Variants in MAP2K1 observed in about 807,000 individuals in gnomAD.
MAP2K1 encodes the protein mitogen-activated protein kinase kinase 1.
A neutral mutation model predicts 46.3 loss-of-function variants in MAP2K1; 16 were observed. The observed-to-expected ratio is 0.35, with a 90% CI of 0.23 to 0.52. The LOEUF (loss-of-function observed/expected upper bound fraction) is 0.52, where lower values mean the gene tolerates loss of function less well. Ranked by LOEUF, MAP2K1 falls within the 20% of genes least tolerant of loss-of-function variation. The pLI, the probability that MAP2K1 is intolerant of heterozygous loss-of-function variation, is 0.94. For synonymous variants in MAP2K1, 183 were observed against 185.6 expected (o/e 0.99, Z 0.11); for missense variants, 263 against 497.1 (o/e 0.53, Z 4.48).
chr15:66,489,978 C>T (rs1893191031), intron 10 of MAP2K1: 1 of 621,460 alleles, frequency 1.6e-6, no homozygotes, highest in East Asian at 2.8e-5. Flanking sequence ...TAAGCATATG[C>T]CAGAGGAAAT....
At chr15:66,406,867 C>T (rs2093398339) in intron 1 of MAP2K1, among the ~76,000 whole-genome samples, 1 of 151,992 alleles carries the variant, frequency 6.6e-6, no homozygotes, top group Admixed American at 6.6e-5. Flanking sequence ...CCCATCTCTG[C>T]TAAAAATACA....
At position 66,387,292 on chromosome 15, in the gene MAP2K1, G is replaced by A; in HGVS notation, c.-56G>A. 7.0e-7 allele frequency: 1 copy of A among 1,428,708 alleles called. No individual in the cohort carries two copies. The highest frequency in any genetic ancestry group is 1.2e-5 in the South Asian group (1 of 81,524). 88.5% of individuals were successfully genotyped at this position (1,428,708 alleles called of 1,614,324 possible). ...CGGGCGCGGGGCAGCGCAGCGGGAG[G>A]AAGCGAGAGGTGCTGCCCTCCCCCC... is the stretch of plus-strand genomic sequence containing the variant. On this transcript the variant is annotated 5_prime_UTR_variant, in exon 1 of 11. Coordinates refer to ENST00000307102, the MANE Select transcript of MAP2K1 (RefSeq NM_002755.4).
intron 3 of MAP2K1, among the ~76,000 whole-genome samples, 168 bp from the exon 4 acceptor site, chr15:66,443,110 CAG>C (rs2093509289): frequency 1.1e-5 from 1 of 94,152 alleles, no homozygotes; most frequent in African/African-American, 3.9e-5. Context: ...TTTTTTGAGA[CAG>C]AGTCTCGCTG....
chr15:66,432,958 C>T (rs1468104570), intron 1 of MAP2K1, among the ~76,000 whole-genome samples: 4 of 37,484 alleles, frequency 1.1e-4, no homozygotes, highest in Admixed American at 3.2e-4. Flanking sequence ...CCATCATGCA[C>T]AGTGTGTGTG....
intron 6 of MAP2K1, among the ~76,000 whole-genome samples, chr15:66,482,989 T>G (rs1182740592): frequency 6.6e-6 from 1 of 152,092 alleles, no homozygotes; most frequent in African/African-American, 2.4e-5. Flanking sequence ...CTGGAAGGTC[T>G]CATTTGATCC....
At chr15:66,429,800 T>C (rs2093470404) in intron 1 of MAP2K1, among the ~76,000 whole-genome samples, 1 of 151,862 alleles carries the variant, frequency 6.6e-6, no homozygotes, top group Non-Finnish European at 1.5e-5. Flanking sequence ...CTACTCCTTA[T>C]ACGCCTAACT....
At chr15:66,485,480 A>T (rs570244115) in intron 7 of MAP2K1, among the ~76,000 whole-genome samples, 1 of 152,164 alleles carries the variant, frequency 6.6e-6, no homozygotes, top group Non-Finnish European at 1.5e-5. Context: ...GGGTCTTGCT[A>T]TGTCGCCCAG....
chr15:66,484,464 T>G (rs1465442095), intron 6 of MAP2K1, among the ~76,000 whole-genome samples: 1 of 152,130 alleles, frequency 6.6e-6, no homozygotes, highest in African/African-American at 2.4e-5. Context: ...GCAGCCCCAT[T>G]TTATAGATGA....
At chr15:66,426,553 C>T (rs2093459548) in intron 1 of MAP2K1, among the ~76,000 whole-genome samples, 1 of 152,172 alleles carries the variant, frequency 6.6e-6, no homozygotes, top group African/African-American at 2.4e-5. Flanking sequence ...CAGGTGCCCT[C>T]TTCTTCTGGG....
chr15:66,401,902 T>C (rs2093382653), intron 1 of MAP2K1: 1 of 1,023,226 alleles, frequency 9.8e-7, no homozygotes, highest in Non-Finnish European at 1.4e-6. Flanking sequence ...AGTAGTTGAG[T>C]GTGACGGGTG....
intron 9 of MAP2K1, 173 bp downstream of exon 9, chr15:66,489,449 T>G: frequency 1.4e-6 from 1 of 708,798 alleles, no homozygotes; most frequent in Admixed American, 2.2e-5. Context: ...AAGACTTATG[T>G]GGCATGTCTA....
intron 1 of MAP2K1, among the ~76,000 whole-genome samples, chr15:66,418,275 T>C (rs913079063): frequency 4.6e-5 from 7 of 152,198 alleles, no homozygotes; most frequent in African/African-American, 1.7e-4. Context: ...ATTGGCCTTA[T>C]GTTCCCTACC....
At chr15:66,406,852 GA>G (rs2093398263) in intron 1 of MAP2K1, among the ~76,000 whole-genome samples, 1 of 152,100 alleles carries the variant, frequency 6.6e-6, no homozygotes, top group Non-Finnish European at 1.5e-5. Flanking sequence ...CCAACATGGA[GA>G]AACCCCATCT....
chr15:66,478,333 TACACAC>T (rs1892812836), intron 5 of MAP2K1, among the ~76,000 whole-genome samples: 1 of 144,158 alleles, frequency 6.9e-6, no homozygotes, highest in African/African-American at 2.6e-5. Context: ...ATGTTATATA[TACACAC>T]ATATATGTTA....
intron 1 of MAP2K1, among the ~76,000 whole-genome samples, chr15:66,430,189 C>A (rs958959609): frequency 6.6e-6 from 1 of 152,282 alleles, no homozygotes; most frequent in East Asian, 1.9e-4. Context: ...TCTTTTGCCT[C>A]TCCTTTCCTC....
intron 1 of MAP2K1, among the ~76,000 whole-genome samples, chr15:66,422,005 G>A (rs922924873): frequency 2.6e-5 from 4 of 151,570 alleles, no homozygotes; most frequent in African/African-American, 9.7e-5. Context: ...TAGGCCCTTT[G>A]TGAGAATTAG....
At chr15:66,445,868 A>C (rs1370221442) in intron 5 of MAP2K1, among the ~76,000 whole-genome samples, 1 of 151,002 alleles carries the variant, frequency 6.6e-6, no homozygotes, top group African/African-American at 2.4e-5. Flanking sequence ...CAAATGTTAC[A>C]TCTTTTTTTT....
chr15:66,430,794 G>C (rs1413035880), intron 1 of MAP2K1, among the ~76,000 whole-genome samples: 2 of 152,152 alleles, frequency 1.3e-5, no homozygotes, highest in African/African-American at 4.8e-5. Flanking sequence ...GTGTAATTAG[G>C]CTTAGCAGAT....
chr15:66,465,641 C>T (rs1260330552), intron 5 of MAP2K1, among the ~76,000 whole-genome samples: 4 of 152,092 alleles, frequency 2.6e-5, no homozygotes, highest in Non-Finnish European at 4.4e-5. Flanking sequence ...GGTCTCTTCC[C>T]TCACCACCAC....
Sources: allele counts gnomAD v4.1 joint callset (sites outside exome capture counted in the v4.1 genomes callset), GRCh38; gene constraint gnomAD v4.1.1; transcripts MANE v1.5; gene names NCBI Gene and HGNC (gene_info 2026-07-23, HGNC 2026-07-21).